Variants in GDF5 observed in about 807,000 individuals in gnomAD.
GDF5 encodes the protein growth differentiation factor 5.
Under a neutral mutation model 34.6 loss-of-function variants are expected in GDF5, and 17 were observed. The ratio of observed to expected loss-of-function variants is 0.49; its 90% confidence interval spans 0.34 to 0.74. The LOEUF (loss-of-function observed/expected upper bound fraction) is 0.74, where lower values mean the gene tolerates loss of function less well. Among genes scored for constraint, GDF5 ranks in the 30% least tolerant of loss-of-function variants. The pLI is 0.01. For missense variants in GDF5, 616 were observed against 661.2 expected (o/e 0.93, Z 0.75); for synonymous variants, 332 against 290.7 (o/e 1.14, Z -1.44).
chr20:35,451,051 AAAAAAAAAAAAAAATATATATATAT>A (rs1267199603), intron 1 of GDF5, among the ~76,000 whole-genome samples: 5 of 38,652 alleles, frequency 1.3e-4, no homozygotes, highest in African/African-American at 6.3e-4. Flanking sequence ...AGAAAAAAAA[AAAAAAAAAAAAAAATATATATATAT>A]ATATATATAT....
Position 35,438,225 on chromosome 20 carries a change from A to G in GDF5, c.-297T>C. The G allele has an allele frequency of 2.1e-6, 1 of 470,740 alleles. No homozygotes were observed. The highest frequency in any genetic ancestry group is 3.9e-6 in the Non-Finnish European group (1 of 256,136). The allele number at this position is 470,740 out of a possible 1,614,324, so 29.2% of individuals were successfully genotyped here. On this transcript the variant is annotated 5_prime_UTR_variant, in exon 1 of 2. Transcript: ENST00000374369. The stretch of plus-strand genomic sequence containing the variant: ...GCCGACCGCCCCCTTTCTCCTGCAC[A>G]ACTGACTGAGGGCTTGAAGGAGGCT...
At position 35,434,703 on chromosome 20, in the gene GDF5, C is replaced by T. The variant is rs1349733901; in HGVS notation, c.712G>A (p.Glu238Lys). The change falls in exon 2 of 2, where the codon GAG becomes AAG. Residue 238 changes from glutamate (E) to lysine (K), a missense_variant. Physicochemically the swap from Glu to Lys is moderately conservative, Grantham distance 56 (BLOSUM62 1). Coordinates refer to ENST00000374369, the MANE Select transcript of GDF5 (RefSeq NM_000557.5). The part of the protein sequence containing the change: ...ALEKDGLLGA[E>K]LRILRKKPSD... ...GGCTTCTTCCGCAAGATCCGCAGCT[C>T]GGCCCCCAGCAGCCCATCCTTCTCC... The T allele has an allele frequency of 6.2e-7, 1 of 1,612,420 alleles. No individual in the cohort carries two copies. Among genetic ancestry groups the T allele is most frequent in the Non-Finnish European group, 8.5e-7 (1 of 1,179,796 alleles).
chr20:35,435,088 A>C (rs1156806466), intron 1 of GDF5: 8 of 606,890 alleles, frequency 1.3e-5, no homozygotes, highest in Non-Finnish European at 2.4e-5. Context: ...ACTGCCTTCT[A>C]CCTATCTCTC....
At chr20:35,445,321 A>G (rs1199902753) in intron 1 of GDF5, among the ~76,000 whole-genome samples, 1 of 152,108 alleles carries the variant, frequency 6.6e-6, no homozygotes, top group Non-Finnish European at 1.5e-5. Context: ...GCTTGAGCCC[A>G]GTAGTTCGAG....
At position 35,433,557 on chromosome 20, in the gene GDF5, T is replaced by G; in HGVS notation, c.*352A>C. 1 of 372,012 alleles carries G rather than the reference T, an allele frequency of 2.7e-6. No individual in the cohort carries two copies. Among genetic ancestry groups the G allele is most frequent in the Non-Finnish European group, 5.2e-6 (1 of 191,936 alleles). 23.0% of individuals were successfully genotyped at this position (372,012 alleles called of 1,614,324 possible). A position where few individuals can be genotyped will look rare whatever the true frequency, so the allele number is the denominator to read the frequency against. On this transcript the variant is annotated 3_prime_UTR_variant, in exon 2 of 2. Transcript: ENST00000374369. ...ACCTGTGGCTCTCCTGAGAGGTGCT[T>G]AGGAGAGTCCAGAGGCTGAGAAGGC...
chr20:35,439,833 C>T (rs2062491767), upstream of GDF5, among the ~76,000 whole-genome samples: 3 of 149,036 alleles, frequency 2.0e-5, no homozygotes, highest in African/African-American at 7.4e-5. Flanking sequence ...CCCTTCTGTA[C>T]ATTTCTCTAC....
chr20:35,442,706 G>C (rs114208831), upstream of GDF5, among the ~76,000 whole-genome samples: 1 of 150,714 alleles, frequency 6.6e-6, no homozygotes, highest in Admixed American at 6.6e-5. Context: ...CAAGACGCCC[G>C]GCTAATTTTT....
rs748144622 is a variant in GDF5 at position 35,434,165 on chromosome 20, C to A, written c.1250G>T (p.Trp417Leu). The change falls in exon 2 of 2, where the codon TGG becomes TTG. Residue 417 changes from tryptophan (W) to leucine (L), a missense_variant. Transcript: ENST00000374369. ...VNFKDMGWDD[W>L]IIAPLEYEAF... Reference sequence around the variant, plus strand: ...CTCGTACTCAAGGGGTGCGATGATCCAGTCGTCCCAGCCCATGTCCTTGAA... The same window carrying A: ...CTCGTACTCAAGGGGTGCGATGATCAAGTCGTCCCAGCCCATGTCCTTGAA... 6.2e-7 allele frequency: 1 copy of A among 1,614,074 alleles called. No individual in the cohort carries two copies. The highest frequency in any genetic ancestry group is 1.7e-5 in the Admixed American group (1 of 60,002).
In GDF5 at chr20:35,438,155, G is replaced by A. The variant is rs1040294878; in HGVS notation, c.-227C>T. The A allele has an allele frequency of 1.5e-5, 9 of 588,622 alleles. No homozygotes were observed. Among genetic ancestry groups the A allele is most frequent in the South Asian group, 8.1e-5 (4 of 49,500 alleles). The allele number at this position is 588,622 out of a possible 1,614,324, so 36.5% of individuals were successfully genotyped here. A position where few individuals can be genotyped will look rare whatever the true frequency, so the allele number is the denominator to read the frequency against. On this transcript the variant is annotated 5_prime_UTR_variant, in exon 1 of 2. It adds an upstream start codon to the 5' untranslated region. Coordinates refer to ENST00000374369, the MANE Select transcript of GDF5 (RefSeq NM_000557.5). ...ATGCTCTCGTATCCAGACGTGCACC[G>A]TCTCCAGTCAGCAGCTGAAAATAAC...
chr20:35,435,022 T>C, intron 1 of GDF5: 1 of 634,816 alleles, frequency 1.6e-6, no homozygotes, highest in Non-Finnish European at 2.9e-6. Flanking sequence ...ATGATTTGCG[T>C]GATTCTGGTG....
intron 1 of GDF5, among the ~76,000 whole-genome samples, chr20:35,446,325 A>C (rs115247680): frequency 0.03 from 4,624 of 152,202 alleles, 169 homozygotes; most frequent in African/African-American, 0.083. Flanking sequence ...ACAACAACAA[A>C]AAAAAACTTG....
Position 35,433,710 on chromosome 20 carries a change from C to T in GDF5, c.*199G>A. On this transcript the variant is annotated 3_prime_UTR_variant, in exon 2 of 2. Transcript: ENST00000374369. ...GTCACATCAGCAGACGGGCAGCAAT[C>T]CTCAGCCAGGGGAACTTGTGGATAA... 1.5e-6 allele frequency: 1 copy of T among 651,140 alleles called. No individual in the cohort carries two copies. The highest frequency in any genetic ancestry group is 2.8e-6 in the Non-Finnish European group (1 of 359,204). 40.3% of individuals were successfully genotyped at this position (651,140 alleles called of 1,614,324 possible). A position where few individuals can be genotyped will look rare whatever the true frequency, so the allele number is the denominator to read the frequency against.
chr20:35,437,837 A>C lies in GDF5; in HGVS notation c.92T>G (p.Leu31Trp). The C allele has an allele frequency of 1.2e-6, 2 of 1,613,982 alleles. No homozygotes were observed. Among genetic ancestry groups the C allele is most frequent in the Non-Finnish European group, 1.7e-6 (2 of 1,179,962 alleles). The change falls in exon 1 of 2, where the codon TTG (leucine) becomes TGG (tryptophan). Residue 31 changes from leucine (L) to tryptophan (W), a missense_variant. Transcript: ENST00000374369. ...FICTVLGAPD[L>W]GQRPQGTRPG... is the part of the protein sequence containing the mutation. ...CCTGGTCCCCTGGGGTCTCTGGCCCAAGTCAGGGGCACCCAACACAGTGCA... is the reference window on the plus strand; with the variant it reads ...CCTGGTCCCCTGGGGTCTCTGGCCCCAGTCAGGGGCACCCAACACAGTGCA...
At chr20:35,447,949 T>C (rs950008895) in intron 1 of GDF5, among the ~76,000 whole-genome samples, 3 of 102,868 alleles carry the variant, frequency 2.9e-5, no homozygotes, top group South Asian at 2.7e-4. Flanking sequence ...AGCCCGTCTC[T>C]ATAAAATAAA....
Position 35,437,798 on chromosome 20 carries a change from T to G in GDF5, c.131A>C (p.Lys44Thr). The change falls in exon 1 of 2, where the codon AAA becomes ACA. Residue 44 changes from lysine (K) to threonine (T), a missense_variant. Physicochemically the swap from Lys to Thr is moderately conservative, Grantham distance 78 (BLOSUM62 -1). Transcript: ENST00000374369. ...GGGGGGCCTCTCCTTGGCCTCTGCT[T>G]TGGCCAATCCTGGCCTGGTCCCCTG... ...RPQGTRPGLA[K>T]AEAKERPPLA... The G allele has an allele frequency of 6.2e-7, 1 of 1,613,450 alleles. No individual in the cohort carries two copies. Among genetic ancestry groups the G allele is most frequent in the Non-Finnish European group, 8.5e-7 (1 of 1,179,710 alleles).
upstream of GDF5, among the ~76,000 whole-genome samples, chr20:35,439,916 T>TC (rs2062492398): frequency 1.5e-5 from 2 of 130,046 alleles, no homozygotes; most frequent in East Asian, 4.5e-4. Flanking sequence ...TTCTTTTTTT[T>TC]TTTTTTTTTT....
intron 1 of GDF5, among the ~76,000 whole-genome samples, chr20:35,452,200 C>A (rs1055294351): frequency 7.0e-6 from 1 of 142,922 alleles, no homozygotes; most frequent in Non-Finnish European, 1.5e-5. Context: ...CCACTTTGGG[C>A]TTTGGCTCAG....
In GDF5 at chr20:35,437,404, C is replaced by G. The variant is rs374749045; in HGVS notation, c.525G>C (p.Ser175=). The G allele has an allele frequency of 3.1e-6, 5 of 1,613,148 alleles. No individual in the cohort carries two copies. Among genetic ancestry groups the G allele is most frequent in the African/African-American group, 2.7e-5 (2 of 75,028 alleles). The part of the protein sequence containing the change: ...PPITPHEYML[S]LYRTLSDADR... ...CAGCATCGGACAGCGTCCTGTACAGCGAGAGCATGTACTCGTGGGGTGTGA... is the reference window on the plus strand; with the variant it reads ...CAGCATCGGACAGCGTCCTGTACAGGGAGAGCATGTACTCGTGGGGTGTGA... The change falls in exon 1 of 2, where the codon TCG becomes TCC. Residue 175 remains serine, a synonymous_variant. Transcript: ENST00000374369.
intron 1 of GDF5, among the ~76,000 whole-genome samples, chr20:35,448,710 C>T (rs996695917): frequency 6.6e-6 from 1 of 152,038 alleles, no homozygotes; most frequent in Non-Finnish European, 1.5e-5. Context: ...TCCCAAAGTG[C>T]TGGGATTACA....
Sources: gnomAD v4.1 joint callset for allele counts (sites outside exome capture counted in the v4.1 genomes callset) on GRCh38, gnomAD v4.1.1 for gene constraint, MANE v1.5 for transcripts, NCBI Gene and HGNC (gene_info 2026-07-23, HGNC 2026-07-21) for gene names.